Variants in DNAH14 observed in about 807,000 individuals in gnomAD.
DNAH14 encodes the protein dynein axonemal heavy chain 14.
DNAH14 carries 478 observed loss-of-function variants against 520.9 expected under a neutral mutation model. The ratio of observed to expected loss-of-function variants is 0.92; its 90% CI spans 0.85 to 0.99. The LOEUF (loss-of-function observed/expected upper bound fraction) is 0.99. DNAH14 is among the 50% of genes least tolerant of loss of function. The pLI is 0.00. For synonymous variants in DNAH14, 1,581 were observed against 1,757.2 expected (o/e 0.90, Z 2.51); for missense variants, 4,831 against 5,234.5 (o/e 0.92, Z 2.38).
At chr1:224,979,034 T>G (rs567610842) in intron 8 of DNAH14, among the ~76,000 whole-genome samples, 3 of 152,264 alleles carry the variant, frequency 2.0e-5, no homozygotes, top group Admixed American at 1.3e-4. Flanking sequence ...ACTAACACAT[T>G]GTGTACATTT....
At chr1:225,080,999 C>G (rs572870246) in intron 19 of DNAH14, among the ~76,000 whole-genome samples, 2 of 152,158 alleles carry the variant, frequency 1.3e-5, no homozygotes, top group Non-Finnish European at 1.5e-5. Flanking sequence ...CATAGAACCC[C>G]AGCTACCTCA....
chr1:225,256,030 G>A (rs373665705), intron 44 of DNAH14, among the ~76,000 whole-genome samples: 17 of 152,106 alleles, frequency 1.1e-4, no homozygotes, highest in African/African-American at 4.1e-4. Flanking sequence ...TTGTGTATAC[G>A]AGCCAATGCA....
rs1337556771 is a variant in DNAH14, at chr1:225,007,412, G to A, written c.976-1G>A. ...CTGAACATTTACTATCATCTAATTA[G>A]CTGGATAGTTCTCGAACATATTCTC... On this transcript the variant is annotated splice_acceptor_variant, in intron 9 of 85. Coordinates refer to ENST00000682510, the MANE Select transcript of DNAH14 (RefSeq NM_001367479.1). LOFTEE classifies it high-confidence loss of function. The A allele has an allele frequency of 2.0e-6, 3 of 1,520,518 alleles. No individual in the cohort carries two copies. Among genetic ancestry groups the A allele is most frequent in the Non-Finnish European group, 2.7e-6 (3 of 1,131,790 alleles). The allele number at this position is 1,520,518 out of a possible 1,614,324, so 94.2% of individuals were successfully genotyped here.
intron 38 of DNAH14, among the ~76,000 whole-genome samples, chr1:225,197,098 G>T (rs527947525): frequency 1.3e-5 from 2 of 152,176 alleles, no homozygotes; most frequent in East Asian, 3.9e-4. Flanking sequence ...TGGGTTCTTG[G>T]TCATGAAATC....
chr1:225,278,579 T>C (rs1339606469), intron 54 of DNAH14, among the ~76,000 whole-genome samples: 1 of 152,184 alleles, frequency 6.6e-6, no homozygotes, highest in Non-Finnish European at 1.5e-5. Context: ...TTATATAATA[T>C]TACACATTAA....
At chr1:225,133,077 T>C (rs1355494118) in intron 27 of DNAH14, among the ~76,000 whole-genome samples, 1 of 152,194 alleles carries the variant, frequency 6.6e-6, no homozygotes, top group African/African-American at 2.4e-5. Context: ...GAGTTTTTTT[T>C]CTCTTGTAAA....
At chr1:225,168,282 G>A (rs887646760) in intron 36 of DNAH14, among the ~76,000 whole-genome samples, 26 of 152,150 alleles carry the variant, frequency 1.7e-4, no homozygotes, top group African/African-American at 5.6e-4. Context: ...CTGAGGTAAC[G>A]GGTTCATCGC....
intron 1 of DNAH14, among the ~76,000 whole-genome samples, chr1:224,946,889 CTTG>C (rs1221744364): frequency 7.8e-6 from 1 of 127,542 alleles, no homozygotes; most frequent in Non-Finnish European, 1.7e-5. Flanking sequence ...TGATATGTTA[CTTG>C]TTGTATATCA....
In DNAH14 at chr1:225,346,630, G is replaced by T. The variant is rs1282934805; in HGVS notation, c.11272G>T (p.Ala3758Ser). 6.5e-7 allele frequency: 1 copy of T among 1,547,988 alleles called. No individual in the cohort carries two copies. The highest frequency in any genetic ancestry group is 2.0e-5 in the Admixed American group (1 of 50,678). ...TGGCATATTGATAAATATTAAAAGTGCATTATCCCAGTCTAGACTTACTAG... is the reference window on the plus strand; with the variant it reads ...TGGCATATTGATAAATATTAAAAGTTCATTATCCCAGTCTAGACTTACTAG... ...YSGILINIKS[A>S]LSQSRLTSTF... Residue 3758 changes from alanine (A) to serine (S), a missense_variant, in exon 71 of 86, where the codon GCA becomes TCA. Transcript: ENST00000682510.
Position 225,080,433 on chromosome 1 carries a change from A to G in DNAH14, c.2821A>G (p.Met941Val). 3 of 1,551,138 alleles carry G rather than the reference A, an allele frequency of 1.9e-6. No individual in the cohort carries two copies. Among genetic ancestry groups the G allele is most frequent in the South Asian group, 1.2e-5 (1 of 83,884 alleles). ...TACTCAAGTGTCAACAGCAATGGAA[A>G]TGATCCAGACTCTCTCAGGGGAAGC... ...AGTQVSTAME[M>V]IQTLSGEAAS... The change falls in exon 19 of 86, where the codon ATG (methionine) becomes GTG (valine). Residue 941 changes from methionine to valine, a missense_variant. By Grantham distance (21) the Met-to-Val change is conservative. Transcript: ENST00000682510.
At position 225,232,703 on chromosome 1, in the gene DNAH14, T is replaced by C. The variant is rs1223207446; in HGVS notation, c.6518+1552T>C. On this transcript the variant is annotated intron_variant, in intron 42 of 85. Transcript: ENST00000682510. This position sits in a 1 kb window ranked among gnomAD's most constrained non-coding sequence, Gnocchi z 4.2. ...CCTGTATTTTGCCAAATATCACCGA[T>C]TCTTTGGTCTCAATTAAATGGTTAC... Among the ~76,000 whole-genome samples, 1 of 152,216 alleles carries C rather than the reference T, an allele frequency of 6.6e-6. No individual in the cohort carries two copies. Among genetic ancestry groups the C allele is most frequent in the South Asian group, 2.1e-4 (1 of 4,834 alleles).
chr1:225,269,375 C>G (rs1425947827), intron 49 of DNAH14, among the ~76,000 whole-genome samples: 2 of 152,108 alleles, frequency 1.3e-5, no homozygotes, highest in Non-Finnish European at 2.9e-5. Context: ...CCATAAAAAC[C>G]CTAGAAGAAA....
intron 26 of DNAH14, 133 bp downstream of exon 26, chr1:225,119,427 T>G: frequency 1.8e-6 from 1 of 541,634 alleles, no homozygotes; most frequent in Non-Finnish European, 2.9e-6. Flanking sequence ...GAATATGGAG[T>G]CAAATCTCTT....
chr1:225,082,569 G>T lies in DNAH14; in HGVS notation c.3157G>T (p.Val1053Leu). 6.4e-7 allele frequency: 1 copy of T among 1,550,816 alleles called. No individual in the cohort carries two copies. Among genetic ancestry groups the T allele is most frequent in the South Asian group, 1.2e-5 (1 of 83,846 alleles). ...TATAGGTTTACCTAAAAGCGATATG[G>T]TAACACATCTTAAGCAAGTGGTAAC... ...LEKGLPKSDM[V>L]THLKQVVTEF... The change falls in exon 20 of 86, where the codon GTA (valine) becomes TTA (leucine). Residue 1053 changes from valine (V) to leucine (L), a missense_variant. By Grantham distance (32) the Val-to-Leu change is conservative. Transcript: ENST00000682510.
chr1:225,346,096 C>T lies in DNAH14; in HGVS notation c.10813C>T (p.Pro3605Ser). The T allele has an allele frequency of 6.4e-7, 1 of 1,551,644 alleles. No individual in the cohort carries two copies. Among genetic ancestry groups the T allele is most frequent in the Non-Finnish European group, 8.7e-7 (1 of 1,146,964 alleles). The change falls in exon 70 of 86, where the codon CCC (proline) becomes TCC (serine). Residue 3605 changes from proline to serine, a missense_variant. Pro to Ser is a moderately conservative substitution (Grantham distance 74). Transcript: ENST00000682510. ...EIQAIRKNYL[P>S]IATRGALLYF... ...CCAAGCAATACGTAAAAACTATCTC[C>T]CCATTGCGACCCGAGGCGCCCTGCT... is the stretch of plus-strand genomic sequence containing the variant.
At chr1:225,338,714 G>C (rs2095113793) in intron 68 of DNAH14, among the ~76,000 whole-genome samples, 1 of 152,166 alleles carries the variant, frequency 6.6e-6, no homozygotes, top group African/African-American at 2.4e-5. Context: ...CCACAAAAAT[G>C]TGATTCCCAA....
intron 36 of DNAH14, among the ~76,000 whole-genome samples, chr1:225,178,360 A>G (rs1414703884): frequency 6.6e-6 from 1 of 152,210 alleles, no homozygotes; most frequent in Non-Finnish European, 1.5e-5. Flanking sequence ...CAGCAAGAGC[A>G]AAATGAGGAG....
At position 225,152,079 on chromosome 1, in the gene DNAH14, T is replaced by C; in HGVS notation, c.5009+6T>C. The C allele has an allele frequency of 6.5e-7, 1 of 1,547,786 alleles. No individual in the cohort carries two copies. Among genetic ancestry groups the C allele is most frequent in the South Asian group, 1.2e-5 (1 of 83,544 alleles). ...TTTATCACCATGAATCCCAGGTAAGTATCAGTAAATCTAGTGGGAATAGAC... is the reference window on the plus strand; with the variant it reads ...TTTATCACCATGAATCCCAGGTAAGCATCAGTAAATCTAGTGGGAATAGAC... On this transcript the variant is annotated splice_donor_region_variant and intron_variant, in intron 32 of 85. Transcript: ENST00000682510.
Position 225,322,719 on chromosome 1 carries a change from C to A in DNAH14, c.9391C>A (p.Leu3131Ile). ...VLTVMNAVCI[L>I]LQKKPNWATA... ...GACTGTCATGAATGCAGTGTGTATTCTTCTGCAAAAGAAACCTAACTGGGC... is the reference window on the plus strand; with the variant it reads ...GACTGTCATGAATGCAGTGTGTATTATTCTGCAAAAGAAACCTAACTGGGC... The change falls in exon 62 of 86, where the codon CTT (leucine) becomes ATT (isoleucine). Residue 3131 changes from leucine (L) to isoleucine (I), a missense_variant. Physicochemically the swap from Leu to Ile is conservative, Grantham distance 5. Transcript: ENST00000682510. 1 of 1,551,506 alleles carries A rather than the reference C, an allele frequency of 6.4e-7. No individual in the cohort carries two copies. The highest frequency in any genetic ancestry group is 1.2e-5 in the South Asian group (1 of 84,060).
Sources: allele counts gnomAD v4.1 joint callset (sites outside exome capture counted in the v4.1 genomes callset), GRCh38; gene constraint gnomAD v4.1.1; non-coding constraint Gnocchi (gnomAD v3.1); transcripts MANE v1.5; gene names NCBI Gene and HGNC (gene_info 2026-07-23, HGNC 2026-07-21).